ZMYND11: variants seen among roughly 807,000 people sequenced by gnomAD.
ZMYND11 encodes the protein zinc finger MYND domain-containing protein 11.
Under a neutral mutation model 84.9 loss-of-function variants are expected in ZMYND11, and 9 were observed. The observed-to-expected ratio is 0.11, with a 90% CI of 0.06 to 0.18. The LOEUF (loss-of-function observed/expected upper bound fraction) is 0.18, where lower values mean the gene tolerates loss of function less well. ZMYND11 is among the 10% of genes least tolerant of loss of function. ZMYND11 has a pLI of 1.00. For missense variants in ZMYND11, 409 were observed against 761.0 expected (o/e 0.54, Z 5.44); for synonymous variants, 250 against 244.1 (o/e 1.02, Z -0.23).
chr10:240,668 T>C (rs1212980700), intron 8 of ZMYND11, among the ~76,000 whole-genome samples: 1 of 152,216 alleles, frequency 6.6e-6, no homozygotes, highest in Non-Finnish European at 1.5e-5. Flanking sequence ...AGCCTCAGCT[T>C]CTGTTCCAAC....
At chr10:239,816 C>T in intron 7 of ZMYND11, 1 of 541,928 alleles carries the variant, frequency 1.8e-6, no homozygotes, top group Non-Finnish European at 3.2e-6. Context: ...TGATCATTTC[C>T]CCACTAGTAC....
intron 1 of ZMYND11, among the ~76,000 whole-genome samples, chr10:178,172 A>G (rs926611671): frequency 1.3e-5 from 2 of 152,198 alleles, no homozygotes; most frequent in Admixed American, 6.5e-5. Context: ...GACCATTTAT[A>G]TGTCATATAT....
chr10:186,140 G>C lies in ZMYND11; in HGVS notation c.116+6012G>C, dbSNP rs1178586592. On this transcript the variant is annotated intron_variant, in intron 2 of 14. Transcript: ENST00000381604. ...TTCTCCTGCCTCAGCCTCCAGAGTA[G>C]CTAGGACTACAGGCGCCCACCAGGA... Among the ~76,000 whole-genome samples the C allele has an allele frequency of 3.3e-5, 5 of 151,512 alleles. No individual in the cohort carries two copies. In the South Asian group the frequency reaches 6.3e-4, roughly 19 times the overall value.
intron 2 of ZMYND11, among the ~76,000 whole-genome samples, chr10:204,905 T>A (rs925084872): frequency 2.0e-5 from 3 of 151,724 alleles, no homozygotes; most frequent in Non-Finnish European, 4.4e-5. Context: ...TAGATTATAT[T>A]CAAATATTTT....
At chr10:141,903 A>G (rs1177558081) in intron 1 of ZMYND11, among the ~76,000 whole-genome samples, 5 of 152,236 alleles carry the variant, frequency 3.3e-5, no homozygotes, top group Non-Finnish European at 7.3e-5. Flanking sequence ...AGCTTGTCAT[A>G]CAATATTAGC....
intron 2 of ZMYND11, 42 bp from the exon 3 acceptor site, chr10:209,847 A>C: frequency 6.4e-7 from 1 of 1,562,586 alleles, no homozygotes; most frequent in Non-Finnish European, 8.7e-7. Flanking sequence ...TTTAGTTTTC[A>C]GTACTGAAAG....
intron 4 of ZMYND11, among the ~76,000 whole-genome samples, chr10:222,300 A>G (rs1278736095): frequency 6.6e-6 from 1 of 152,158 alleles, no homozygotes; most frequent in African/African-American, 2.4e-5. Context: ...TATATGTTCT[A>G]GTCTTCTAAC....
intron 1 of ZMYND11, among the ~76,000 whole-genome samples, chr10:164,108 T>C (rs1843482109): frequency 6.6e-6 from 1 of 152,178 alleles, no homozygotes; most frequent in South Asian, 2.1e-4. Context: ...TCAGTTGCTG[T>C]GTATTGCTGT....
At chr10:214,978 A>G (rs1387255657) in intron 3 of ZMYND11, among the ~76,000 whole-genome samples, 1 of 152,230 alleles carries the variant, frequency 6.6e-6, no homozygotes, top group Non-Finnish European at 1.5e-5. Flanking sequence ...CAAAGGCTTT[A>G]ATGTAATACA....
chr10:240,749 CTTTAAAA>C (rs1439759605), intron 8 of ZMYND11, 137 bp from the exon 9 acceptor site: 3 of 659,614 alleles, frequency 4.5e-6, no homozygotes, highest in Non-Finnish European at 7.5e-6. Context: ...TTATTGAAAA[CTTTAAAA>C]TTTAGGCTTA....
In ZMYND11 at chr10:247,475, C is replaced by T. The variant is rs1188692625; in HGVS notation, c.1227+9C>T. 1.9e-6 allele frequency: 3 copies of T among 1,613,288 alleles called. No homozygotes were observed. The highest frequency in any genetic ancestry group is 2.5e-6 in the Non-Finnish European group (3 of 1,179,566). On this transcript the variant is annotated intron_variant, in intron 12 of 14. Coordinates refer to ENST00000381604, the MANE Select transcript of ZMYND11 (RefSeq NM_001370100.5). ...TGGAGCCCAAAAAGGAAGTAAGTTG[C>T]CCACCTCGCAGTATCCAGGTGGCAA...
chr10:199,984 C>T (rs1942742462), intron 2 of ZMYND11, among the ~76,000 whole-genome samples: 1 of 151,956 alleles, frequency 6.6e-6, no homozygotes, highest in African/African-American at 2.4e-5. Context: ...CCCACCTCAG[C>T]CTCCTGAGTA....
At position 135,992 on chromosome 10, in the gene ZMYND11, G is replaced by T. The variant is rs1405234408; in HGVS notation, c.-20+433G>T. Among the ~76,000 whole-genome samples, 2 of 151,128 alleles carry T rather than the reference G, an allele frequency of 1.3e-5. No homozygotes were observed. Among genetic ancestry groups the T allele is most frequent in the Non-Finnish European group, 3.0e-5 (2 of 67,228 alleles). ...GCCGGCGGGGAACGCGGCTCCGGGC[G>T]TGTGGCGGGCGGAGAGGAAGCGTTT... On this transcript the variant is annotated intron_variant, in intron 1 of 14. Transcript: ENST00000381604. This position sits in a 1 kb window ranked among gnomAD's most constrained non-coding sequence, Gnocchi z 5.6.
chr10:221,725 C>G (rs1167263538), intron 4 of ZMYND11, among the ~76,000 whole-genome samples: 1 of 152,132 alleles, frequency 6.6e-6, no homozygotes, highest in South Asian at 2.1e-4. Flanking sequence ...AAACAGTTAG[C>G]AAAAGGCACA....
At chr10:249,192 A>G in intron 14 of ZMYND11, 104 bp downstream of exon 14, 2 of 1,551,860 alleles carry the variant, frequency 1.3e-6, no homozygotes, top group Non-Finnish European at 1.7e-6. Context: ...GATGTTTCTG[A>G]AATAAGATCA....
chr10:247,103 C>G, intron 11 of ZMYND11, 130 bp downstream of exon 11: 1 of 1,022,214 alleles, frequency 9.8e-7, no homozygotes, highest in Non-Finnish European at 1.4e-6. Context: ...GTAAAGTGCT[C>G]TGCAAAACTA....
At chr10:167,138 A>G (rs1554764096) in intron 1 of ZMYND11, among the ~76,000 whole-genome samples, 2 of 152,132 alleles carry the variant, frequency 1.3e-5, no homozygotes, top group African/African-American at 4.8e-5. Context: ...GGTGATAAAA[A>G]TGTTTTAGAA....
chr10:232,444 T>A (rs1949167109), intron 4 of ZMYND11, among the ~76,000 whole-genome samples: 2 of 152,218 alleles, frequency 1.3e-5, no homozygotes, highest in Non-Finnish European at 2.9e-5. Flanking sequence ...ACAGCAAATG[T>A]TTTGTTCCTA....
intron 4 of ZMYND11, among the ~76,000 whole-genome samples, 168 bp from the exon 5 acceptor site, chr10:236,670 G>GT (rs951532362): frequency 3.3e-5 from 5 of 151,988 alleles, no homozygotes; most frequent in South Asian, 2.1e-4. Flanking sequence ...ATTAGATGCT[G>GT]TTTTTTTTAT....
Sources: allele counts gnomAD v4.1 joint callset (sites outside exome capture counted in the v4.1 genomes callset), GRCh38; gene constraint gnomAD v4.1.1; non-coding constraint Gnocchi (gnomAD v3.1); transcripts MANE v1.5; gene names NCBI Gene and HGNC (gene_info 2026-07-23, HGNC 2026-07-21).